Variants in ANO6 observed in about 807,000 individuals in gnomAD.
ANO6 encodes anoctamin 6.
A neutral mutation model predicts 117.5 loss-of-function variants in ANO6; 106 were observed. The observed-to-expected ratio is 0.90, with a 90% CI of 0.77 to 1.06. The LOEUF (loss-of-function observed/expected upper bound fraction) is 1.06. Among genes scored for constraint, ANO6 ranks in the 50% least tolerant of loss-of-function variants. The probability of loss-of-function intolerance (pLI) is 0.00; values close to 1 mark genes in which losing one functional copy is unlikely to be tolerated. For missense variants in ANO6, 955 were observed against 1,121.1 expected, an observed-to-expected ratio of 0.85 and a Z score of 2.12; for synonymous variants, 367 against 385.1, an observed-to-expected ratio of 0.95 and a Z score of 0.55.
chr12:45,315,240 T>C lies in ANO6; in HGVS notation c.150+13147T>C, dbSNP rs1335073413. Among the ~76,000 whole-genome samples the C allele has an allele frequency of 2.6e-5, 4 of 152,048 alleles. No individual in the cohort carries two copies. In the East Asian group the frequency reaches 7.7e-4, roughly 29 times the overall value. On this transcript the variant is annotated intron_variant, in intron 2 of 19. Coordinates refer to ENST00000320560, the MANE Select transcript of ANO6 (RefSeq NM_001025356.3). ...GAACTGAATTTTTAATTAATTCTTATTCATGTAATTTCAATAGCCATGTGT... is the reference window on the plus strand; with the variant it reads ...GAACTGAATTTTTAATTAATTCTTACTCATGTAATTTCAATAGCCATGTGT...
chr12:45,379,393 T>A (rs546708607), intron 10 of ANO6, among the ~76,000 whole-genome samples: 1 of 152,344 alleles, frequency 6.6e-6, no homozygotes, highest in African/African-American at 2.4e-5. Context: ...GTCAGTTACA[T>A]TGGCATTCAG....
At chr12:45,307,266 A>AT (rs1939701656) in intron 2 of ANO6, among the ~76,000 whole-genome samples, 2 of 152,228 alleles carry the variant, frequency 1.3e-5, no homozygotes, top group Non-Finnish European at 2.9e-5. Flanking sequence ...AGAGAGACCT[A>AT]TTAGACTTTC....
chr12:45,227,802 TA>T (rs1947507732), intron 1 of ANO6, among the ~76,000 whole-genome samples: 1 of 152,166 alleles, frequency 6.6e-6, no homozygotes, highest in Non-Finnish European at 1.5e-5. Context: ...AGTGTCAGAT[TA>T]AGGGTAATGA....
intron 1 of ANO6, among the ~76,000 whole-genome samples, chr12:45,288,511 G>T (rs1474492477): frequency 6.6e-6 from 1 of 152,050 alleles, no homozygotes; most frequent in Non-Finnish European, 1.5e-5. Context: ...TTTTGTGACT[G>T]GTTTATGTTG....
intron 1 of ANO6, among the ~76,000 whole-genome samples, chr12:45,254,755 G>A (rs188627749): frequency 1.5e-3 from 232 of 152,334 alleles, no homozygotes; most frequent in Non-Finnish European, 2.3e-3. Context: ...TTACAGATAT[G>A]TAAGATTATA....
chr12:45,418,901 G>A (rs2137691831), intron 17 of ANO6, among the ~76,000 whole-genome samples: 1 of 152,310 alleles, frequency 6.6e-6, no homozygotes, highest in African/African-American at 2.4e-5. Context: ...ATACTTCCAA[G>A]ATGGCAGTTA....
chr12:45,332,075 T>A (rs901972328), intron 3 of ANO6, among the ~76,000 whole-genome samples: 1 of 152,052 alleles, frequency 6.6e-6, no homozygotes, highest in African/African-American at 2.4e-5. Flanking sequence ...CAAGCTTTTT[T>A]AAGTAAAAGG....
intron 1 of ANO6, among the ~76,000 whole-genome samples, chr12:45,289,028 G>A (rs1939009640): frequency 6.6e-6 from 1 of 151,774 alleles, no homozygotes; most frequent in Non-Finnish European, 1.5e-5. Flanking sequence ...TTTCTGTCAT[G>A]AATATTCTAT....
intron 1 of ANO6, among the ~76,000 whole-genome samples, chr12:45,281,165 TATTTA>T (rs1278623557): frequency 6.6e-6 from 1 of 152,210 alleles, no homozygotes; most frequent in African/African-American, 2.4e-5. Flanking sequence ...AACCCTACCT[TATTTA>T]TTCATTTAGT....
At chr12:45,286,903 TG>T (rs1938934684) in intron 1 of ANO6, among the ~76,000 whole-genome samples, 1 of 152,118 alleles carries the variant, frequency 6.6e-6, no homozygotes, top group Non-Finnish European at 1.5e-5. Context: ...GGTTAGGAAG[TG>T]GTAGGTCTGG....
intron 1 of ANO6, among the ~76,000 whole-genome samples, chr12:45,250,393 CTTTATTA>C (rs1947883758): frequency 6.6e-6 from 1 of 152,014 alleles, no homozygotes; most frequent in Admixed American, 6.6e-5. Context: ...TTATTCTTAA[CTTTATTA>C]TTTATTTATC....
At chr12:45,273,863 C>T (rs1050332379) in intron 1 of ANO6, among the ~76,000 whole-genome samples, 1 of 152,154 alleles carries the variant, frequency 6.6e-6, no homozygotes, top group Non-Finnish European at 1.5e-5. Context: ...ACTAAGTGGT[C>T]TGAATACACT....
chr12:45,357,322 T>A lies in ANO6; in HGVS notation c.896T>A (p.Phe299Tyr), dbSNP rs767770827. 6.2e-7 allele frequency: 1 copy of A among 1,613,908 alleles called. No individual in the cohort carries two copies. ...TATGGAGAGAAGATTGGAATCTACTTTGCTTGGCTGGGCTATTACACTCAG... is the reference window on the plus strand; with the variant it reads ...TATGGAGAGAAGATTGGAATCTACTATGCTTGGCTGGGCTATTACACTCAG... ...KYYGEKIGIY[F>Y]AWLGYYTQML... The change falls in exon 8 of 20, where the codon TTT becomes TAT. Residue 299 changes from phenylalanine to tyrosine, a missense_variant. By Grantham distance (22) the Phe-to-Tyr change is conservative. Coordinates refer to ENST00000320560, the MANE Select transcript of ANO6 (RefSeq NM_001025356.3).
At chr12:45,256,476 A>T (rs1043221419) in intron 1 of ANO6, 2 of 152,194 alleles carry the variant, frequency 1.3e-5, no homozygotes, top group African/African-American at 2.4e-5. Context: ...ATTGCTGCTC[A>T]TATATAGATC....
At chr12:45,436,480 T>C (rs1302532036), downstream of ANO6, among the ~76,000 whole-genome samples, 2 of 152,236 alleles carry the variant, frequency 1.3e-5, no homozygotes, top group Non-Finnish European at 2.9e-5. Context: ...GGCGTCATTA[T>C]GAAGTCCCTA....
intron 1 of ANO6, among the ~76,000 whole-genome samples, chr12:45,262,383 C>G (rs1013536085): frequency 6.6e-6 from 1 of 151,686 alleles, no homozygotes; most frequent in African/African-American, 2.4e-5. Context: ...TAAGTATATT[C>G]AGTGTTGTGC....
chr12:45,301,200 TTAAA>T (rs1310675121), intron 1 of ANO6, among the ~76,000 whole-genome samples: 6 of 150,858 alleles, frequency 4.0e-5, no homozygotes, highest in African/African-American at 1.5e-4. Flanking sequence ...GTAGTATGGG[TTAAA>T]TAAATTATGT....
At chr12:45,308,628 G>A (rs1431745858) in intron 2 of ANO6, among the ~76,000 whole-genome samples, 2 of 152,100 alleles carry the variant, frequency 1.3e-5, no homozygotes, top group African/African-American at 4.8e-5. Context: ...AATCCAGCTT[G>A]AGGGGAGCAA....
chr12:45,264,783 G>A (rs1938160896), intron 1 of ANO6, among the ~76,000 whole-genome samples: 1 of 152,162 alleles, frequency 6.6e-6, no homozygotes, highest in African/African-American at 2.4e-5. Flanking sequence ...ATTATCTTCA[G>A]TTGAACTTCA....
Sources: allele counts gnomAD v4.1 joint callset (sites outside exome capture counted in the v4.1 genomes callset), GRCh38; gene constraint gnomAD v4.1.1; transcripts MANE v1.5; gene names NCBI Gene and HGNC (gene_info 2026-07-23, HGNC 2026-07-21).